Variants in TRIM32 observed in about 807,000 individuals in gnomAD.
TRIM32 encodes the protein tripartite motif containing 32.
Under a neutral mutation model 36.0 loss-of-function variants are expected in TRIM32, and 19 were observed. That is an observed-to-expected ratio of 0.53 (90% CI 0.37 to 0.77). The LOEUF (loss-of-function observed/expected upper bound fraction) is 0.77, where lower values mean the gene tolerates loss of function less well. Among genes scored for constraint, TRIM32 ranks in the 30% least tolerant of loss-of-function variants. The pLI, the probability that TRIM32 is intolerant of heterozygous loss-of-function variation, is 0.00. For missense variants in TRIM32, 747 were observed against 845.2 expected (o/e 0.88, Z 1.44); for synonymous variants, 309 against 318.5 (o/e 0.97, Z 0.32).
intron 1 of TRIM32, among the ~76,000 whole-genome samples, chr9:116,694,541 A>G (rs1177553676): frequency 1.4e-5 from 2 of 138,220 alleles, no homozygotes; most frequent in South Asian, 2.3e-4. Context: ...GCTCACTGCA[A>G]GCTCCGCCTC....
At chr9:116,691,849 A>G (rs1317584633) in intron 1 of TRIM32, among the ~76,000 whole-genome samples, 2 of 152,220 alleles carry the variant, frequency 1.3e-5, no homozygotes, top group African/African-American at 4.8e-5. Context: ...CATGAGGAAT[A>G]AAGTTTAGAA....
At chr9:116,689,964 C>T (rs1860483438) in intron 1 of TRIM32, among the ~76,000 whole-genome samples, 1 of 152,128 alleles carries the variant, frequency 6.6e-6, no homozygotes, top group African/African-American at 2.4e-5. Context: ...CTCTTTTGGT[C>T]TGCTTTTCCC....
chr9:116,699,235 T>C lies in TRIM32; in HGVS notation c.1493T>C (p.Val498Ala). 6.2e-7 allele frequency: 1 copy of C among 1,614,244 alleles called. No homozygotes were observed. Among genetic ancestry groups the C allele is most frequent in the East Asian group, 2.2e-5 (1 of 44,866 alleles). ...GGTGGAAAGCTTTGGTGTTTCACAG[T>C]TGATCGAGGATCAGGGGTGGTCAAA... ...VEGGKLWCFTVDRGSGVVKYS... is the reference protein window; with the variant it reads ...VEGGKLWCFTADRGSGVVKYS... Residue 498 changes from valine to alanine, a missense_variant, in exon 2 of 2, where the codon GTT (valine) becomes GCT (alanine). Val to Ala is a moderately conservative substitution (Grantham distance 64). Transcript: ENST00000450136. The surrounding 1 kb of genome is among the most constrained non-coding windows in gnomAD (Gnocchi z 4.2).
Position 116,699,555 on chromosome 9 carries a change from G to A in TRIM32, c.1813G>A (p.Gly605Ser), listed in dbSNP as rs779843649. ...SRKEILHFPK[G>S]GGYSVLIREG... ...CAAGGAAATTCTCCATTTTCCTAAG[G>A]GTGGGGGCTATAGTGTCCTTATTCG... Residue 605 changes from glycine to serine, a missense_variant, in exon 2 of 2, where the codon GGT becomes AGT. Gly to Ser is a moderately conservative substitution (Grantham distance 56, BLOSUM62 0). Transcript: ENST00000450136. This position sits in a 1 kb window ranked among gnomAD's most constrained non-coding sequence, Gnocchi z 4.2. The A allele has an allele frequency of 6.2e-7, 1 of 1,614,212 alleles. No individual in the cohort carries two copies. Among genetic ancestry groups the A allele is most frequent in the South Asian group, 1.1e-5 (1 of 91,082 alleles).
chr9:116,699,337 G>T lies in TRIM32; in HGVS notation c.1595G>T (p.Gly532Val). The stretch of plus-strand genomic sequence containing the variant: ...GAGGGCACCGTCTACTTCACCCAGG[G>T]CTTAGGCCTCAATCTGGAGAATCGG... ...DAEGTVYFTQ[G>V]LGLNLENRQN... Residue 532 changes from glycine (G) to valine (V), a missense_variant, in exon 2 of 2, where the codon GGC becomes GTC. Transcript: ENST00000450136. The surrounding 1 kb of genome is among the most constrained non-coding windows in gnomAD (Gnocchi z 4.2). 6.2e-7 allele frequency: 1 copy of T among 1,614,180 alleles called. No individual in the cohort carries two copies. The highest frequency in any genetic ancestry group is 8.5e-7 in the Non-Finnish European group (1 of 1,180,030).
Position 116,696,942 on chromosome 9 carries a change from G to C in TRIM32, c.-81-720G>C, listed in dbSNP as rs1432124027. On this transcript the variant is annotated intron_variant, in intron 1 of 1. Transcript: ENST00000450136. The stretch of plus-strand genomic sequence containing the variant: ...CCAAACATGACACAATAAACTCTGT[G>C]ACATGATTAAAAAAAAAAAAAAAAG... Among the ~76,000 whole-genome samples the C allele has an allele frequency of 4.2e-5, 5 of 118,396 alleles. No individual in the cohort carries two copies. In the East Asian group the frequency reaches 1.5e-3, roughly 35 times the overall value. The allele number at this position is 118,396 out of a possible 152,430, so 77.7% of individuals were successfully genotyped here.
intron 1 of TRIM32, chr9:116,697,225 C>A: frequency 6.2e-6 from 1 of 160,518 alleles, no homozygotes; most frequent in Non-Finnish European, 1.4e-5. Context: ...TAAAATTCAC[C>A]AAATATGAAA....
chr9:116,687,311 C>G lies in TRIM32; in HGVS notation c.-152C>G. 1.0e-6 allele frequency: 1 copy of G among 979,706 alleles called. No individual in the cohort carries two copies. The highest frequency in any genetic ancestry group is 1.2e-6 in the Non-Finnish European group (1 of 826,378). 60.7% of individuals were successfully genotyped at this position (979,706 alleles called of 1,614,324 possible). A position where few individuals can be genotyped will look rare whatever the true frequency, so the allele number is the denominator to read the frequency against. ...TTGGCGCCCGGCAAGGGGTGCTCAACGGCGCGTGCGCAGAGGGAGGCAGGC... is the reference window on the plus strand; with the variant it reads ...TTGGCGCCCGGCAAGGGGTGCTCAAGGGCGCGTGCGCAGAGGGAGGCAGGC... On this transcript the variant is annotated 5_prime_UTR_variant, in exon 1 of 2. Transcript: ENST00000450136.
At chr9:116,688,871 A>C (rs561302864) in intron 1 of TRIM32, among the ~76,000 whole-genome samples, 30 of 148,312 alleles carry the variant, frequency 2.0e-4, no homozygotes, top group East Asian at 5.9e-4. Flanking sequence ...CAACAACAAC[A>C]ACCACCAGAA....
rs1033921107 is a variant in TRIM32, at chr9:116,700,369, C to T, written c.*665C>T. On this transcript the variant is annotated 3_prime_UTR_variant, in exon 2 of 2. Coordinates refer to ENST00000450136, the MANE Select transcript of TRIM32 (RefSeq NM_012210.4). ...GCAGATGTGACAGAATGGATTGACC[C>T]TAGTTGGTTGGTATTGATGACTTCA... 1 of 167,480 alleles carries T rather than the reference C, an allele frequency of 6.0e-6. No individual in the cohort carries two copies. Among genetic ancestry groups the T allele is most frequent in the Non-Finnish European group, 1.5e-5 (1 of 68,462 alleles). The allele number at this position is 167,480 out of a possible 1,614,324, so 10.4% of individuals were successfully genotyped here.
At position 116,700,920 on chromosome 9, in the gene TRIM32, A is replaced by C. The variant is rs1466373473; in HGVS notation, c.*1216A>C. ...ACTATTATGTAAAGATAATAATCCA[A>C]ATCTTTCTCCCAAATACATGTGTAC... On this transcript the variant is annotated 3_prime_UTR_variant, in exon 2 of 2. Coordinates refer to ENST00000450136, the MANE Select transcript of TRIM32 (RefSeq NM_012210.4). 1 of 167,038 alleles carries C rather than the reference A, an allele frequency of 6.0e-6. No homozygotes were observed. Among genetic ancestry groups the C allele is most frequent in the South Asian group, 2.1e-4 (1 of 4,834 alleles). The allele number at this position is 167,038 out of a possible 1,614,324, so 10.3% of individuals were successfully genotyped here. A position where few individuals can be genotyped will look rare whatever the true frequency, so the allele number is the denominator to read the frequency against.
rs749903497 is a variant in TRIM32 at position 116,698,751 on chromosome 9, A to G, written c.1009A>G (p.Arg337Gly). The change falls in exon 2 of 2, where the codon AGG becomes GGG. Residue 337 changes from arginine to glycine, a missense_variant. Physicochemically the swap from Arg to Gly is moderately radical, Grantham distance 125. Transcript: ENST00000450136. The surrounding 1 kb of genome is among the most constrained non-coding windows in gnomAD (Gnocchi z 4.4). ...CCCGGAGGAAGTGGTTGCCAGCCCT[A>G]GGGCCTCACCTGCTAAACAGCGGGG... is the stretch of plus-strand genomic sequence containing the variant. ...MSPEEVVASPRASPAKQRGPE... is the reference protein window; with the variant it reads ...MSPEEVVASPGASPAKQRGPE... 13 of 1,614,062 alleles carry G rather than the reference A, an allele frequency of 8.1e-6. No individual in the cohort carries two copies. Among genetic ancestry groups the G allele is most frequent in the Middle Eastern group, 1.6e-4 (1 of 6,084 alleles).
chr9:116,700,040 A>C lies in TRIM32; in HGVS notation c.*336A>C. ...TGTTTGAAATTTGCCCTTGTATTAA[A>C]TCCTTGATTTTTTCCCATTTGGCTT... On this transcript the variant is annotated 3_prime_UTR_variant, in exon 2 of 2. Coordinates refer to ENST00000450136, the MANE Select transcript of TRIM32 (RefSeq NM_012210.4). 2.8e-6 allele frequency: 1 copy of C among 354,186 alleles called. No individual in the cohort carries two copies. The highest frequency in any genetic ancestry group is 3.9e-5 in the South Asian group (1 of 25,782). 21.9% of individuals were successfully genotyped at this position (354,186 alleles called of 1,614,324 possible).
Position 116,698,257 on chromosome 9 carries a change from G to C in TRIM32, c.515G>C (p.Gly172Ala). 2 of 1,614,188 alleles carry C rather than the reference G, an allele frequency of 1.2e-6. No individual in the cohort carries two copies. Among genetic ancestry groups the C allele is most frequent in the Non-Finnish European group, 8.5e-7 (1 of 1,180,038 alleles). The change falls in exon 2 of 2, where the codon GGT (glycine) becomes GCT (alanine). Residue 172 changes from glycine to alanine, a missense_variant. By Grantham distance (60) the Gly-to-Ala change is moderately conservative (BLOSUM62 0). Coordinates refer to ENST00000450136, the MANE Select transcript of TRIM32 (RefSeq NM_012210.4). The surrounding 1 kb of genome is among the most constrained non-coding windows in gnomAD (Gnocchi z 4.4). ...CAGCGGCGGAAGGCAGCCTTGGAAG[G>C]TGTCTCCAAGGACCTTCAGGCAAGG... Reference protein sequence around the residue: ...ELQRRKAALEGVSKDLQARYK... With the variant: ...ELQRRKAALEAVSKDLQARYK...
In TRIM32 at chr9:116,699,752, C is replaced by T; in HGVS notation, c.*48C>T. 1.2e-6 allele frequency: 2 copies of T among 1,613,590 alleles called. No homozygotes were observed. The highest frequency in any genetic ancestry group is 1.7e-6 in the Non-Finnish European group (2 of 1,179,738). Reference sequence around the variant, plus strand: ...TTCTGCTCCCAAGCCAACTTCCCTTCCCTTAGTTCTTGGTTGTTAGTGGCA... The same window carrying T: ...TTCTGCTCCCAAGCCAACTTCCCTTTCCTTAGTTCTTGGTTGTTAGTGGCA... On this transcript the variant is annotated 3_prime_UTR_variant, in exon 2 of 2. Transcript: ENST00000450136. The surrounding 1 kb of genome is among the most constrained non-coding windows in gnomAD (Gnocchi z 4.2).
At chr9:116,692,892 T>C (rs1860644142) in intron 1 of TRIM32, among the ~76,000 whole-genome samples, 1 of 152,156 alleles carries the variant, frequency 6.6e-6, no homozygotes, top group South Asian at 2.1e-4. Context: ...TCATACTTAG[T>C]CTCTGCTTGA....
chr9:116,697,381 T>C (rs1026910047), intron 1 of TRIM32: 2 of 299,748 alleles, frequency 6.7e-6, no homozygotes, highest in Admixed American at 9.0e-5. Context: ...AGATGAGTGA[T>C]GGGGAAAGAG....
Position 116,699,827 on chromosome 9 carries a change from G to GAAC in TRIM32, c.*124_*126dup, listed in dbSNP as rs1861084623. Reference sequence around the variant, plus strand: ...TCCTGATTCCAGCTGGGTAGTTCTAGAACTTCAGAAGCTCCATCTTTTAAT... The same window carrying GAAC: ...TCCTGATTCCAGCTGGGTAGTTCTAGAACAACTTCAGAAGCTCCATCTTTTAAT... On this transcript the variant is annotated 3_prime_UTR_variant, in exon 2 of 2. Coordinates refer to ENST00000450136, the MANE Select transcript of TRIM32 (RefSeq NM_012210.4). The surrounding 1 kb of genome is among the most constrained non-coding windows in gnomAD (Gnocchi z 4.2). The GAAC allele has an allele frequency of 1.5e-6, 2 of 1,325,616 alleles. No individual in the cohort carries two copies. Among genetic ancestry groups the GAAC allele is most frequent in the African/African-American group, 2.9e-5 (2 of 67,976 alleles). 82.1% of individuals were successfully genotyped at this position (1,325,616 alleles called of 1,614,324 possible).
At chr9:116,693,979 G>A (rs1262965483) in intron 1 of TRIM32, among the ~76,000 whole-genome samples, 1 of 152,142 alleles carries the variant, frequency 6.6e-6, no homozygotes, top group Admixed American at 6.5e-5. Flanking sequence ...GGGAAAAGTG[G>A]TTCTGGCTTT....
Sources: gnomAD v4.1 joint callset for allele counts (sites outside exome capture counted in the v4.1 genomes callset) on GRCh38, gnomAD v4.1.1 for gene constraint, Gnocchi (gnomAD v3.1) non-coding constraint, MANE v1.5 for transcripts, NCBI Gene and HGNC (gene_info 2026-07-23, HGNC 2026-07-21) for gene names.